CYFIP1: variants seen among roughly 807,000 people sequenced by gnomAD.
The protein encoded by CYFIP1 is cytoplasmic FMR1-interacting protein 1.
A neutral mutation model predicts 163.5 loss-of-function variants in CYFIP1; 58 were observed. The ratio of observed to expected loss-of-function variants is 0.35; its 90% confidence interval spans 0.29 to 0.44. CYFIP1 has a LOEUF of 0.44. Ranked by LOEUF, CYFIP1 falls within the 20% of genes least tolerant of loss-of-function variation. The pLI, the probability that CYFIP1 is intolerant of heterozygous loss-of-function variation, is 1.00. For synonymous variants in CYFIP1, 663 were observed against 660.7 expected (o/e 1.00, Z -0.05); for missense variants, 1,338 against 1,653.8 (o/e 0.81, Z 3.31).
chr15:22,912,097 G>A, intron 18 of CYFIP1, 82 bp downstream of exon 18: 2 of 1,269,706 alleles, frequency 1.6e-6, no homozygotes, highest in Non-Finnish European at 2.2e-6. Flanking sequence ...TTTAAAGAAA[G>A]TTGAATACTT....
intron 4 of CYFIP1, 53 bp from the exon 5 acceptor site, chr15:22,944,712 A>G: frequency 6.4e-7 from 1 of 1,551,486 alleles, no homozygotes; most frequent in Non-Finnish European, 8.9e-7. Flanking sequence ...AGCCAGAAGC[A>G]GCCGCTGGGC....
chr15:22,918,279 A>T (rs1294650195), intron 14 of CYFIP1, among the ~76,000 whole-genome samples: 1 of 152,182 alleles, frequency 6.6e-6, no homozygotes, highest in Non-Finnish European at 1.5e-5. Context: ...GCCTGCCCGC[A>T]GCTGGCTGTC....
At chr15:22,919,460 T>C (rs2061105057) in intron 13 of CYFIP1, among the ~76,000 whole-genome samples, 1 of 152,334 alleles carries the variant, frequency 6.6e-6, no homozygotes, top group Middle Eastern at 3.4e-3. Context: ...ACCTTTACAA[T>C]TGCATGAGCT....
intron 1 of CYFIP1, among the ~76,000 whole-genome samples, chr15:22,966,448 G>A (rs1020388929): frequency 6.6e-6 from 1 of 151,534 alleles, no homozygotes; most frequent in Non-Finnish European, 1.5e-5. Context: ...GCAGGGAGAG[G>A]ACGGCCATCT....
Position 22,928,005 on chromosome 15 carries a change from C to T in CYFIP1, c.1134G>A (p.Gln378=). 2 of 1,580,028 alleles carry T rather than the reference C, an allele frequency of 1.3e-6. No individual in the cohort carries two copies. The highest frequency in any genetic ancestry group is 1.7e-6 in the Non-Finnish European group (2 of 1,166,802). ...NSEVVTGSGR[Q]EAQKTDAEYR... is the part of the protein sequence containing the mutation. Reference sequence around the variant, plus strand: ...ACTCCGCGTCCGTCTTCTGGGCCTCCTGGCGGCCCGAGCCCGTGACCACCT... The same window carrying T: ...ACTCCGCGTCCGTCTTCTGGGCCTCTTGGCGGCCCGAGCCCGTGACCACCT... Residue 378 remains glutamine (Q), a synonymous_variant, in exon 12 of 31, where the codon CAG becomes CAA. Transcript: ENST00000617928.
rs538360219 is a variant in CYFIP1 at position 22,917,660 on chromosome 15, G to A, written c.1674+128C>T. On this transcript the variant is annotated intron_variant, in intron 15 of 30. Coordinates refer to ENST00000617928, the MANE Select transcript of CYFIP1 (RefSeq NM_014608.6). This position sits in a 1 kb window ranked among gnomAD's most constrained non-coding sequence, Gnocchi z 4.2. ...CAGAGGAGCAGCAGAAACCACAGGC[G>A]CCACTTTCTCTGCCTGAGCAGGCAG... 565 of 1,157,536 alleles carry A rather than the reference G, an allele frequency of 4.9e-4. 3 individuals are homozygous for A. In the African/African-American group the frequency reaches 4.9e-3, roughly 10 times the overall value. The allele number at this position is 1,157,536 out of a possible 1,614,324, so 71.7% of individuals were successfully genotyped here.
In CYFIP1 at chr15:22,881,941, C is replaced by A. The variant is rs774459842; in HGVS notation, c.2821-5G>T. 19 of 1,611,118 alleles carry A rather than the reference C, an allele frequency of 1.2e-5. No individual in the cohort carries two copies. In the Admixed American group the frequency reaches 2.3e-4, roughly 20 times the overall value. On this transcript the variant is annotated splice_polypyrimidine_tract_variant and splice_region_variant and intron_variant, in intron 24 of 30. Transcript: ENST00000617928. ...CTGCAGGATTGTGCCTTGCAGCTGCCGGGGAGATGAGACGGGCTGCGTCAG... is the reference window on the plus strand; with the variant it reads ...CTGCAGGATTGTGCCTTGCAGCTGCAGGGGAGATGAGACGGGCTGCGTCAG...
intron 1 of CYFIP1, among the ~76,000 whole-genome samples, chr15:22,963,437 C>G (rs1449044052): frequency 6.6e-6 from 1 of 151,746 alleles, no homozygotes; most frequent in Non-Finnish European, 1.5e-5. Flanking sequence ...TTGCAGTGAG[C>G]CAAGACTGTG....
intron 9 of CYFIP1, among the ~76,000 whole-genome samples, chr15:22,936,603 T>C (rs1446949474): frequency 6.6e-6 from 1 of 152,178 alleles, no homozygotes; most frequent in Admixed American, 6.5e-5. Flanking sequence ...AGGTAACTAC[T>C]GACACTGAAA....
intron 1 of CYFIP1, among the ~76,000 whole-genome samples, chr15:22,972,368 C>T (rs912693567): frequency 2.0e-5 from 3 of 152,028 alleles, no homozygotes; most frequent in East Asian, 1.9e-4. Flanking sequence ...ACCCGGGAGG[C>T]GGAGGTTGCA....
intron 25 of CYFIP1, 65 bp downstream of exon 25, chr15:22,881,779 TTC>T (rs2059770239): frequency 1.4e-6 from 2 of 1,470,726 alleles, no homozygotes; most frequent in African/African-American, 1.4e-5. Flanking sequence ...TCTCAAGAAT[TTC>T]TGACTTGAAT....
chr15:22,878,674 TAAAAAA>T (rs199504341), intron 26 of CYFIP1, among the ~76,000 whole-genome samples: 1 of 121,722 alleles, frequency 8.2e-6, no homozygotes, highest in Non-Finnish European at 1.7e-5. Flanking sequence ...GATGGTAGAT[TAAAAAA>T]AAAAAAAAGT....
chr15:22,956,567 G>A (rs560761777), intron 1 of CYFIP1, among the ~76,000 whole-genome samples: 184 of 152,238 alleles, frequency 1.2e-3, no homozygotes, highest in African/African-American at 4.3e-3. Flanking sequence ...TGGGAAACCG[G>A]CCTTGGACAC....
rs200400052 is a variant in CYFIP1 at position 22,903,828 on chromosome 15, G to A, written c.2466C>T (p.Asp822=). 27 of 1,614,196 alleles carry A rather than the reference G, an allele frequency of 1.7e-5. No homozygotes were observed. The highest frequency in any genetic ancestry group is 5.5e-5 in the South Asian group (5 of 91,090). The change falls in exon 22 of 31, where the codon GAC becomes GAT. Residue 822 remains aspartate (D), a synonymous_variant. Coordinates refer to ENST00000617928, the MANE Select transcript of CYFIP1 (RefSeq NM_014608.6). The part of the protein sequence containing the change: ...LSRYLTLDGF[D]AMFREANHNV... ...TGTGGTTGGCCTCCCGGAACATGGC[G>A]TCGAAGCCGTCCAGCGTCAGGTACC...
At chr15:22,913,304 G>A (rs1281582426) in intron 17 of CYFIP1, among the ~76,000 whole-genome samples, 6 of 151,228 alleles carry the variant, frequency 4.0e-5, no homozygotes, top group South Asian at 2.1e-4. Context: ...CGAGGTGGGC[G>A]GATCACTTGA....
In CYFIP1 at chr15:22,867,058, T is replaced by A; in HGVS notation, c.*2970A>T. The A allele has an allele frequency of 1.9e-6, 1 of 523,440 alleles. No homozygotes were observed. Among genetic ancestry groups the A allele is most frequent in the South Asian group, 3.4e-5 (1 of 29,766 alleles). The allele number at this position is 523,440 out of a possible 1,614,324, so 32.4% of individuals were successfully genotyped here. On this transcript the variant is annotated 3_prime_UTR_variant, in exon 31 of 31. Coordinates refer to ENST00000617928, the MANE Select transcript of CYFIP1 (RefSeq NM_014608.6). ...TGACCTCAGCACATGACGATTTCTA[T>A]TAACATTTTATTGTTGTAGAAGTAT...
chr15:22,872,466 C>T (rs745615567), intron 30 of CYFIP1, among the ~76,000 whole-genome samples: 26 of 152,026 alleles, frequency 1.7e-4, no homozygotes, highest in Non-Finnish European at 3.1e-4. Flanking sequence ...TTCCAGAATT[C>T]AACTATGAGG....
chr15:22,871,371 A>C (rs2059429185), intron 30 of CYFIP1, among the ~76,000 whole-genome samples: 1 of 152,238 alleles, frequency 6.6e-6, no homozygotes, highest in South Asian at 2.1e-4. Context: ...GATTTGAAGA[A>C]CCTAATTGAA....
Position 22,918,760 on chromosome 15 carries a change from G to C in CYFIP1, c.1458C>G (p.Asp486Glu). 1 of 1,613,662 alleles carries C rather than the reference G, an allele frequency of 6.2e-7. No homozygotes were observed. The highest frequency in any genetic ancestry group is 8.5e-7 in the Non-Finnish European group (1 of 1,179,850). Reference protein sequence around the residue: ...IRHTVYAALQDFSQVTLREPL... With the variant: ...IRHTVYAALQEFSQVTLREPL... The stretch of plus-strand genomic sequence containing the variant: ...GCTCCCTAAGGGTCACCTGGGAGAA[G>C]TCCTGCAGTGCGGCATAGACGGTGT... Residue 486 changes from aspartate (D) to glutamate (E), a missense_variant, in exon 14 of 31, where the codon GAC becomes GAG. Transcript: ENST00000617928.
Sources: gnomAD v4.1 joint callset for allele counts (sites outside exome capture counted in the v4.1 genomes callset) on GRCh38, gnomAD v4.1.1 for gene constraint, Gnocchi (gnomAD v3.1) non-coding constraint, MANE v1.5 for transcripts, NCBI Gene and HGNC (gene_info 2026-07-23, HGNC 2026-07-21) for gene names.